Variants in NALF1 observed in about 807,000 individuals in gnomAD.
The protein encoded by NALF1 is NALCN channel auxiliary factor 1, also known as family with sequence similarity 155 member A.
Under a neutral mutation model 48.4 loss-of-function variants are expected in NALF1, and 3 were observed. The ratio of observed to expected loss-of-function variants is 0.06; its 90% CI spans 0.03 to 0.16. The LOEUF is 0.16. Among genes scored for constraint, NALF1 ranks in the 10% least tolerant of loss-of-function variants. The pLI is 1.00. For synonymous variants in NALF1, 262 were observed against 245.7 expected, an observed-to-expected ratio of 1.07 and a Z score of -0.62; for missense variants, 526 against 571.5, an observed-to-expected ratio of 0.92 and a Z score of 0.81.
chr13:107,314,200 C>CA (rs1244911632), intron 1 of NALF1, among the ~76,000 whole-genome samples: 12 of 152,260 alleles, frequency 7.9e-5, no homozygotes, highest in Admixed American at 4.6e-4. Flanking sequence ...ACTACCCCTG[C>CA]AAAGGCCATC....
chr13:107,248,263 T>G (rs1880623909), intron 1 of NALF1, among the ~76,000 whole-genome samples: 1 of 151,958 alleles, frequency 6.6e-6, no homozygotes, highest in Non-Finnish European at 1.5e-5. Context: ...TCGTTGAAAT[T>G]TGGAAGGAAA....
At chr13:107,310,409 C>CAA (rs397955378) in intron 1 of NALF1, among the ~76,000 whole-genome samples, 5,124 of 79,940 alleles carry the variant, frequency 0.064, 140 homozygotes, top group East Asian at 0.25. Flanking sequence ...GATTCCATCT[C>CAA]AAAAAAAAAA....
chr13:107,480,100 A>G (rs16970185), intron 1 of NALF1, among the ~76,000 whole-genome samples: 3,020 of 152,286 alleles, frequency 0.02, 99 homozygotes, highest in African/African-American at 0.069. Flanking sequence ...TCACTTACTC[A>G]TGATTTGGAG....
intron 1 of NALF1, among the ~76,000 whole-genome samples, chr13:107,820,900 G>A (rs7994757): frequency 0.074 from 11,287 of 152,176 alleles, 522 homozygotes; most frequent in East Asian, 0.21. Flanking sequence ...CCAGGTATTG[G>A]CAAACATCAT....
chr13:107,548,115 C>G (rs1232917147), intron 1 of NALF1, among the ~76,000 whole-genome samples: 6 of 152,026 alleles, frequency 3.9e-5, no homozygotes, highest in African/African-American at 1.4e-4. Flanking sequence ...TTCTGCTTCT[C>G]TCCCTCCTCC....
chr13:107,335,810 AATATCCTTTACCGTAAGTGGG>A (rs1368095496), intron 1 of NALF1, among the ~76,000 whole-genome samples: 2 of 152,230 alleles, frequency 1.3e-5, no homozygotes, highest in African/African-American at 4.8e-5. Context: ...TCAACTCTAG[AATATCCTTTACCGTAAGTGGG>A]ATATTGGGAT....
chr13:107,172,370 T>C (rs1878825113), intron 2 of NALF1, among the ~76,000 whole-genome samples: 1 of 152,246 alleles, frequency 6.6e-6, no homozygotes, highest in Non-Finnish European at 1.5e-5. Flanking sequence ...ATTCCCAATA[T>C]GTAGCAGAAT....
At chr13:107,254,062 A>AAAAAAAAAAAAATATATATATATAT in intron 1 of NALF1, among the ~76,000 whole-genome samples, 3 of 138,580 alleles carry the variant, frequency 2.2e-5, no homozygotes, top group African/African-American at 8.1e-5. Flanking sequence ...CAAGTACTAA[A>AAAAAAAAAAAAATATATATATATAT]ATATATATAT....
In NALF1 at chr13:107,362,159, C is replaced by G. The variant is rs578239326; in HGVS notation, c.916-151404G>C. Among the ~76,000 whole-genome samples the G allele has an allele frequency of 6.6e-6, 1 of 152,088 alleles. No individual in the cohort carries two copies. Among genetic ancestry groups the G allele is most frequent in the South Asian group, 2.1e-4 (1 of 4,830 alleles). On this transcript the variant is annotated intron_variant, in intron 1 of 2. Coordinates refer to ENST00000375915, the MANE Select transcript of NALF1 (RefSeq NM_001080396.3). The surrounding 1 kb of genome is among the most constrained non-coding windows in gnomAD (Gnocchi z 4.6). ...TGGTTGTTACTCGAAAATAATCTAC[C>G]CTTATTGACTGATTCTCCAAATGAC... is the stretch of plus-strand genomic sequence containing the variant.
chr13:107,472,152 A>G (rs1217798822), intron 1 of NALF1, among the ~76,000 whole-genome samples: 2 of 152,242 alleles, frequency 1.3e-5, no homozygotes, highest in South Asian at 4.1e-4. Context: ...AACATGGTGA[A>G]AGCCCGTCTC....
chr13:107,201,766 A>G (rs1265813164), intron 2 of NALF1, among the ~76,000 whole-genome samples: 1 of 152,166 alleles, frequency 6.6e-6, no homozygotes, highest in South Asian at 2.1e-4. Flanking sequence ...CTTACACACA[A>G]AAAAAGACTA....
At chr13:107,333,065 C>T (rs942579997) in intron 1 of NALF1, among the ~76,000 whole-genome samples, 1 of 151,982 alleles carries the variant, frequency 6.6e-6, no homozygotes, top group African/African-American at 2.4e-5. Context: ...AGGCTGGTCT[C>T]GAACTCTTGA....
intron 1 of NALF1, among the ~76,000 whole-genome samples, chr13:107,211,180 T>C (rs375555688): frequency 6.6e-6 from 1 of 152,264 alleles, no homozygotes; most frequent in Non-Finnish European, 1.5e-5. Flanking sequence ...TATGCCTCCA[T>C]AGGACGCTAG....
At chr13:107,369,918 C>T (rs867367540) in intron 1 of NALF1, among the ~76,000 whole-genome samples, 1 of 152,040 alleles carries the variant, frequency 6.6e-6, no homozygotes, top group African/African-American at 2.4e-5. Flanking sequence ...CGTTCATTTC[C>T]TAATCCAAAG....
chr13:107,799,058 A>C (rs2138594518), intron 1 of NALF1, among the ~76,000 whole-genome samples: 1 of 152,306 alleles, frequency 6.6e-6, no homozygotes, highest in African/African-American at 2.4e-5. Context: ...CAGACTTAGT[A>C]GTCCACATCG....
At chr13:107,643,902 TGA>T (rs896548520) in intron 1 of NALF1, among the ~76,000 whole-genome samples, 1 of 151,392 alleles carries the variant, frequency 6.6e-6, no homozygotes, top group African/African-American at 2.4e-5. Flanking sequence ...GATTTTCCAT[TGA>T]GAGAGAGAAG....
At chr13:107,414,524 A>G (rs1372052233) in intron 1 of NALF1, among the ~76,000 whole-genome samples, 1 of 150,710 alleles carries the variant, frequency 6.6e-6, no homozygotes, top group Non-Finnish European at 1.5e-5. Flanking sequence ...AAATTTAATT[A>G]TAATTAAATA....
intron 1 of NALF1, among the ~76,000 whole-genome samples, chr13:107,691,173 T>A (rs1477008001): frequency 2.6e-5 from 4 of 152,108 alleles, no homozygotes; most frequent in Non-Finnish European, 5.9e-5. Context: ...GAGATTGAGG[T>A]GATGCTTCTG....
chr13:107,565,233 G>A (rs1158035089), intron 1 of NALF1, among the ~76,000 whole-genome samples: 2 of 150,814 alleles, frequency 1.3e-5, no homozygotes, highest in Non-Finnish European at 3.0e-5. Flanking sequence ...AAAATTAAGG[G>A]GCATGGCCAG....
Sources: gnomAD v4.1 joint callset for allele counts (sites outside exome capture counted in the v4.1 genomes callset) on GRCh38, gnomAD v4.1.1 for gene constraint, Gnocchi (gnomAD v3.1) non-coding constraint, MANE v1.5 for transcripts, NCBI Gene and HGNC (gene_info 2026-07-23, HGNC 2026-07-21) for gene names.